The following ABCG5 variants were observed in gnomAD, a reference collection of about 807,000 sequenced individuals.
The protein encoded by ABCG5 is ATP binding cassette subfamily G member 5, also known as ATP-binding cassette sub-family G member 5.
Under a neutral mutation model 64.5 loss-of-function variants are expected in ABCG5, and 64 were observed. That is an observed-to-expected ratio of 0.99 (90% CI 0.81 to 1.22). ABCG5 has a LOEUF of 1.22. Among genes scored for constraint, ABCG5 ranks in the 50% most tolerant of loss-of-function variants. The pLI is 0.00. For synonymous variants in ABCG5, 385 were observed against 326.3 expected (o/e 1.18, Z -1.94); for missense variants, 908 against 829.5 (o/e 1.09, Z -1.16).
chr2:43,808,564 T>C (rs1269969080), downstream of ABCG5, among the ~76,000 whole-genome samples: 1 of 152,208 alleles, frequency 6.6e-6, no homozygotes, highest in Non-Finnish European at 1.5e-5. Flanking sequence ...CCTTAGATGG[T>C]CCCTTTTACA....
At chr2:43,818,367 C>A (rs925862641) in intron 11 of ABCG5, among the ~76,000 whole-genome samples, 5 of 151,920 alleles carry the variant, frequency 3.3e-5, no homozygotes, top group Non-Finnish European at 7.4e-5. Flanking sequence ...TCACTTGAAC[C>A]CAGGAGGCAG....
intron 11 of ABCG5, among the ~76,000 whole-genome samples, chr2:43,815,586 T>G (rs774313695): frequency 6.6e-6 from 1 of 152,136 alleles, no homozygotes; most frequent in African/African-American, 2.4e-5. Flanking sequence ...AGGTTGCTAA[T>G]TGAAAAGGAT....
At position 43,823,792 on chromosome 2, in the gene ABCG5, G is replaced by A. The variant is rs537067305; in HGVS notation, c.1324+121C>T. On this transcript the variant is annotated intron_variant, in intron 9 of 12. Transcript: ENST00000405322. ...TTGCCTTTCCCCAGAGAGGGAACCT[G>A]GAGAGGGCTGGGTTTAGCTCAGAGA... 34 of 1,164,850 alleles carry A rather than the reference G, an allele frequency of 2.9e-5. No homozygotes were observed. In the East Asian group the frequency reaches 7.5e-4, roughly 26 times the overall value. The allele number at this position is 1,164,850 out of a possible 1,614,324, so 72.2% of individuals were successfully genotyped here.
At chr2:43,821,412 C>T (rs762222218) in intron 10 of ABCG5, among the ~76,000 whole-genome samples, 3 of 152,210 alleles carry the variant, frequency 2.0e-5, no homozygotes, top group Non-Finnish European at 4.4e-5. Context: ...ATCTGCATCA[C>T]TCACCATGTC....
In ABCG5 at chr2:43,822,840, A is replaced by C. The variant is rs1480671389; in HGVS notation, c.1420T>G (p.Phe474Val). Residue 474 changes from phenylalanine to valine, a missense_variant, in exon 10 of 13, where the codon TTC (phenylalanine) becomes GTC (valine). Phe to Val is a conservative substitution (Grantham distance 50). Transcript: ENST00000405322. ...MLAYALHVLP[F>V]SVVATMIFSS... Reference sequence around the variant, plus strand: ...AAAATCATGGTGGCAACAACGCTGAAGGGGAGGACGTGCAGTGCATAGGCC... The same window carrying C: ...AAAATCATGGTGGCAACAACGCTGACGGGGAGGACGTGCAGTGCATAGGCC... The C allele has an allele frequency of 1.9e-6, 3 of 1,614,088 alleles. No homozygotes were observed. The highest frequency in any genetic ancestry group is 2.5e-6 in the Non-Finnish European group (3 of 1,180,048).
chr2:43,838,287 C>T lies in ABCG5; in HGVS notation c.143+250G>A. ...ATCCACAGAGGGCAGGCCGTAGACACTGGGTTGGCAGGGCACTGCTGCCAC... is the reference window on the plus strand; with the variant it reads ...ATCCACAGAGGGCAGGCCGTAGACATTGGGTTGGCAGGGCACTGCTGCCAC... On this transcript the variant is annotated intron_variant, in intron 1 of 12. Transcript: ENST00000405322. The surrounding 1 kb of genome is among the most constrained non-coding windows in gnomAD (Gnocchi z 4.2). The T allele has an allele frequency of 3.3e-6, 2 of 600,156 alleles. No individual in the cohort carries two copies. Among genetic ancestry groups the T allele is most frequent in the Non-Finnish European group, 5.9e-6 (2 of 339,488 alleles). 37.2% of individuals were successfully genotyped at this position (600,156 alleles called of 1,614,324 possible). A position where few individuals can be genotyped will look rare whatever the true frequency, so the allele number is the denominator to read the frequency against.
rs534752564 is a variant in ABCG5, at chr2:43,826,985, C to G, written c.635-464G>C. On this transcript the variant is annotated intron_variant, in intron 5 of 12. Coordinates refer to ENST00000405322, the MANE Select transcript of ABCG5 (RefSeq NM_022436.3). ...AAAACAAGGCCTGAAGTGTGGCAGGCATTTGGGTTCTTTAGAGGGTTTAAA... is the reference window on the plus strand; with the variant it reads ...AAAACAAGGCCTGAAGTGTGGCAGGGATTTGGGTTCTTTAGAGGGTTTAAA... Among the ~76,000 whole-genome samples, 74 of 152,322 alleles carry G rather than the reference C, an allele frequency of 4.9e-4. No homozygotes were observed. The East Asian group carries it at 0.013, about 27-fold the overall frequency.
rs143508969 is a variant in ABCG5, at chr2:43,822,824, G to T, written c.1436C>A (p.Thr479Asn). ...LHVLPFSVVA[T>N]MIFSSVCYWT... is the part of the protein sequence containing the mutation. ...GTAGCACACACTGCTGAAAATCATG[G>T]TGGCAACAACGCTGAAGGGGAGGAC... Residue 479 changes from threonine (T) to asparagine (N), a missense_variant, in exon 10 of 13, where the codon ACC becomes AAC. Coordinates refer to ENST00000405322, the MANE Select transcript of ABCG5 (RefSeq NM_022436.3). 3.7e-6 allele frequency: 6 copies of T among 1,614,184 alleles called. No individual in the cohort carries two copies. The South Asian group carries it at 6.6e-5, about 18-fold the overall frequency.
chr2:43,815,178 A>G (rs4148193), intron 11 of ABCG5, among the ~76,000 whole-genome samples: 20,701 of 152,210 alleles, frequency 0.14, 1,895 homozygotes, highest in African/African-American at 0.24. Context: ...GAGAGACCGA[A>G]CCAACATTCA....
chr2:43,825,169 C>T, intron 6 of ABCG5, 151 bp from the exon 7 acceptor site: 8 of 864,506 alleles, frequency 9.3e-6, no homozygotes, highest in Non-Finnish European at 1.4e-5. Flanking sequence ...AGCAGTCAGT[C>T]CTTCGATGAC....
chr2:43,814,410 A>G, intron 12 of ABCG5, 67 bp downstream of exon 12: 1 of 1,020,780 alleles, frequency 9.8e-7, no homozygotes, highest in South Asian at 1.4e-5. Flanking sequence ...TCAAAAATAC[A>G]TTTCCTCCAA....
At chr2:43,813,446 A>G in intron 12 of ABCG5, 137 bp from the exon 13 acceptor site, 3 of 710,958 alleles carry the variant, frequency 4.2e-6, no homozygotes, top group South Asian at 3.0e-5. Flanking sequence ...TTACAATTTG[A>G]TGAAGCAAGA....
rs980709986 is a variant in ABCG5, at chr2:43,814,517, A to T, written c.1722T>A (p.Ile574=). Residue 574 remains isoleucine (I), a synonymous_variant, in exon 12 of 13, where the codon ATT becomes ATA. Coordinates refer to ENST00000405322, the MANE Select transcript of ABCG5 (RefSeq NM_022436.3). ...GTCCGTAGAACTCATTGACTACAAG[A>T]ATCTCACTGCAATATTTTTGGAATG... is the stretch of plus-strand genomic sequence containing the variant. ...YFTFQKYCSE[I]LVVNEFYGLN... 2 of 1,609,398 alleles carry T rather than the reference A, an allele frequency of 1.2e-6. No homozygotes were observed. Among genetic ancestry groups the T allele is most frequent in the Non-Finnish European group, 1.7e-6 (2 of 1,176,032 alleles).
chr2:43,821,879 C>A (rs996719889), intron 10 of ABCG5, among the ~76,000 whole-genome samples: 5 of 151,856 alleles, frequency 3.3e-5, no homozygotes, highest in Non-Finnish European at 7.4e-5. Context: ...TCTCTCTCCC[C>A]CTCTCTTCCC....
At chr2:43,833,410 T>A (rs917725236) in intron 2 of ABCG5, among the ~76,000 whole-genome samples, 1 of 147,776 alleles carries the variant, frequency 6.8e-6, no homozygotes, top group Non-Finnish European at 1.5e-5. Context: ...TGAGACGAAG[T>A]ATCGCTCTGT....
chr2:43,806,931 C>G, the ABCG5 span, among the ~76,000 whole-genome samples: 1 of 151,954 alleles, frequency 6.6e-6, no homozygotes, highest in Admixed American at 6.6e-5. Flanking sequence ...TTATGCTGTC[C>G]TAAGTTTGCC....
chr2:43,807,349 T>G, the ABCG5 span, among the ~76,000 whole-genome samples: 5 of 152,106 alleles, frequency 3.3e-5, no homozygotes, highest in Non-Finnish European at 4.4e-5. Context: ...GTATTTTCTG[T>G]TTTTTAAAAG....
chr2:43,811,833 A>T (rs1467255026), downstream of ABCG5, among the ~76,000 whole-genome samples: 1 of 152,082 alleles, frequency 6.6e-6, no homozygotes, highest in Non-Finnish European at 1.5e-5. Context: ...TGACCTCGTG[A>T]TCCACCCGCC....
intron 11 of ABCG5, among the ~76,000 whole-genome samples, chr2:43,816,196 A>G (rs985870472): frequency 6.6e-6 from 1 of 152,216 alleles, no homozygotes; most frequent in African/African-American, 2.4e-5. Flanking sequence ...TTATTCACTC[A>G]ACAAATAATG....
Sources: gnomAD v4.1 joint callset for allele counts (sites outside exome capture counted in the v4.1 genomes callset) on GRCh38, gnomAD v4.1.1 for gene constraint, Gnocchi (gnomAD v3.1) non-coding constraint, MANE v1.5 for transcripts, NCBI Gene and HGNC (gene_info 2026-07-23, HGNC 2026-07-21) for gene names.